Variants in GRIN2B observed in about 807,000 individuals in gnomAD.
The protein encoded by GRIN2B is glutamate ionotropic receptor NMDA type subunit 2B.
Under a neutral mutation model 114.5 loss-of-function variants are expected in GRIN2B, and 5 were observed. That is an observed-to-expected ratio of 0.04 (90% CI 0.02 to 0.09). The LOEUF (loss-of-function observed/expected upper bound fraction) is 0.09, where lower values mean the gene tolerates loss of function less well. GRIN2B is among the 10% of genes least tolerant of loss of function. The pLI is 1.00. For missense variants in GRIN2B, 1,108 were observed against 1,943.5 expected, an observed-to-expected ratio of 0.57 and a Z score of 8.08; for synonymous variants, 787 against 745.1, an observed-to-expected ratio of 1.06 and a Z score of -0.92.
intron 4 of GRIN2B, among the ~76,000 whole-genome samples, chr12:13,742,170 T>C (rs988783575): frequency 6.6e-6 from 1 of 152,224 alleles, no homozygotes; most frequent in African/African-American, 2.4e-5. Context: ...ATGCAGGGTA[T>C]ATGCTTTCTG....
chr12:13,779,399 G>T lies in GRIN2B; in HGVS notation c.412-25484C>A, dbSNP rs574461773. On this transcript the variant is annotated intron_variant, in intron 3 of 13. Transcript: ENST00000609686. ...GGTTTTGTTTTGTTTTTGGTATTTT[G>T]CCAAACAGCAATCCTTAAGAATTAA... Among the ~76,000 whole-genome samples, 3 of 152,086 alleles carry T rather than the reference G, an allele frequency of 2.0e-5. No homozygotes were observed. In the South Asian group the frequency reaches 6.2e-4, roughly 32 times the overall value.
At chr12:13,778,105 C>T (rs564612726) in intron 3 of GRIN2B, among the ~76,000 whole-genome samples, 1 of 152,294 alleles carries the variant, frequency 6.6e-6, no homozygotes, top group South Asian at 2.1e-4. Context: ...GTGGACTTTC[C>T]CTATCTCCAT....
chr12:13,661,940 C>G (rs865801157), intron 5 of GRIN2B, among the ~76,000 whole-genome samples: 111 of 152,114 alleles, frequency 7.3e-4, no homozygotes, highest in African/African-American at 2.2e-3. Flanking sequence ...TATGACCTTT[C>G]CTATACACCC....
chr12:13,606,041 T>C (rs1024218782), intron 10 of GRIN2B, among the ~76,000 whole-genome samples: 26 of 152,124 alleles, frequency 1.7e-4, no homozygotes, highest in African/African-American at 6.3e-4. Flanking sequence ...CTCTGTGTGG[T>C]ACATAGTCTA....
At chr12:13,932,952 CGT>C (rs5796568) in intron 2 of GRIN2B, among the ~76,000 whole-genome samples, 26,424 of 148,676 alleles carry the variant, frequency 0.18, 2,372 homozygotes, top group South Asian at 0.26. Context: ...AGGGCTTTGT[CGT>C]GTGTGTGTGT....
intron 3 of GRIN2B, among the ~76,000 whole-genome samples, chr12:13,828,143 G>A (rs1044233062): frequency 6.6e-6 from 1 of 152,206 alleles, no homozygotes; most frequent in Non-Finnish European, 1.5e-5. Context: ...TGAAGCTCCT[G>A]TTTAAAATGT....
intron 2 of GRIN2B, among the ~76,000 whole-genome samples, chr12:13,921,519 C>T (rs568145095): frequency 1.3e-5 from 2 of 152,324 alleles, no homozygotes; most frequent in East Asian, 1.9e-4. Context: ...AGCTTCCACC[C>T]TCCTCTGTAA....
intron 2 of GRIN2B, among the ~76,000 whole-genome samples, chr12:13,899,510 C>T (rs1443958459): frequency 2.1e-5 from 3 of 142,266 alleles, no homozygotes; most frequent in African/African-American, 7.4e-5. Flanking sequence ...GTGTTGTCTC[C>T]TCTTGGCCCA....
At chr12:13,830,551 T>C (rs992834426) in intron 3 of GRIN2B, among the ~76,000 whole-genome samples, 2 of 152,224 alleles carry the variant, frequency 1.3e-5, no homozygotes, top group African/African-American at 4.8e-5. Context: ...TTCACACATA[T>C]TAGCTTATCT....
chr12:13,630,689 C>G (rs923907512), intron 5 of GRIN2B, among the ~76,000 whole-genome samples: 3 of 152,102 alleles, frequency 2.0e-5, no homozygotes, highest in African/African-American at 4.8e-5. Flanking sequence ...AGATAAGTGA[C>G]CCCCTGGAGA....
chr12:13,830,150 A>T (rs531399473), intron 3 of GRIN2B, among the ~76,000 whole-genome samples: 1 of 152,350 alleles, frequency 6.6e-6, no homozygotes, highest in East Asian at 1.9e-4. Flanking sequence ...AGAAGGATGT[A>T]TCTAAGGTCA....
At chr12:13,916,844 T>C (rs937095769) in intron 2 of GRIN2B, among the ~76,000 whole-genome samples, 1 of 151,662 alleles carries the variant, frequency 6.6e-6, no homozygotes, top group African/African-American at 2.4e-5. Flanking sequence ...TTATTATATA[T>C]GGTACATGGT....
chr12:13,807,402 C>T (rs1408435146), intron 3 of GRIN2B, among the ~76,000 whole-genome samples: 4 of 152,110 alleles, frequency 2.6e-5, no homozygotes, highest in African/African-American at 9.7e-5. Context: ...CACTAGCTCA[C>T]TCGTTCACAT....
At position 13,543,444 on chromosome 12, in the gene GRIN2B, A is replaced by T. The variant is rs754603693; in HGVS notation, c.*19339T>A. The stretch of plus-strand genomic sequence containing the variant: ...CCCAGCTTAGATTCCATGACCAAAC[A>T]TTATAGTTAACACACTGCAGTTGCC... On this transcript the variant is annotated 3_prime_UTR_variant, in exon 14 of 14. Transcript: ENST00000609686. 1 of 152,142 alleles carries T rather than the reference A, an allele frequency of 6.6e-6. No homozygotes were observed. Among genetic ancestry groups the T allele is most frequent in the Admixed American group, 6.6e-5 (1 of 15,262 alleles). The allele number at this position is 152,142 out of a possible 1,614,324, so 9.4% of individuals were successfully genotyped here. A position where few individuals can be genotyped will look rare whatever the true frequency, so the allele number is the denominator to read the frequency against.
At chr12:13,696,059 C>T (rs543605723) in intron 4 of GRIN2B, among the ~76,000 whole-genome samples, 28 of 152,240 alleles carry the variant, frequency 1.8e-4, no homozygotes, top group African/African-American at 6.3e-4. Flanking sequence ...ATAACTACAA[C>T]CTCCTTAGGA....
intron 10 of GRIN2B, among the ~76,000 whole-genome samples, chr12:13,607,336 TATATATAATATATAAA>T (rs1565473639): frequency 4.8e-4 from 24 of 49,906 alleles, no homozygotes; most frequent in East Asian, 8.7e-4. Flanking sequence ...TAATATATAT[TATATATAATATATAAA>T]ATATATAATA....
chr12:13,857,729 G>A (rs571201626), intron 3 of GRIN2B, among the ~76,000 whole-genome samples: 1 of 152,188 alleles, frequency 6.6e-6, no homozygotes, highest in Non-Finnish European at 1.5e-5. Context: ...TAGCCCCAAA[G>A]CCATTCCCAC....
intron 5 of GRIN2B, among the ~76,000 whole-genome samples, chr12:13,645,085 AG>A (rs1293617382): frequency 6.6e-6 from 1 of 152,134 alleles, no homozygotes; most frequent in Non-Finnish European, 1.5e-5. Context: ...TTTGTACAAG[AG>A]ACCTAGCTTT....
chr12:13,603,393 T>A (rs539154412), intron 10 of GRIN2B, among the ~76,000 whole-genome samples: 1 of 152,180 alleles, frequency 6.6e-6, no homozygotes, highest in African/African-American at 2.4e-5. Flanking sequence ...AGCATCAGGG[T>A]CTAAACAGGG....
Sources: gnomAD v4.1 joint callset for allele counts (sites outside exome capture counted in the v4.1 genomes callset) on GRCh38, gnomAD v4.1.1 for gene constraint, MANE v1.5 for transcripts, NCBI Gene and HGNC (gene_info 2026-07-23, HGNC 2026-07-21) for gene names.